CEP112: variants seen among roughly 807,000 people sequenced by gnomAD.
CEP112 encodes the protein centrosomal protein 112.
Under a neutral mutation model 153.0 loss-of-function variants are expected in CEP112, and 127 were observed. That is an observed-to-expected ratio of 0.83 (90% CI 0.72 to 0.96). The LOEUF (loss-of-function observed/expected upper bound fraction) is 0.96, where lower values mean the gene tolerates loss of function less well. Ranked by LOEUF, CEP112 falls within the 40% of genes least tolerant of loss-of-function variation. The pLI is 0.00. For missense variants in CEP112, 1,089 were observed against 1,101.2 expected (o/e 0.99, Z 0.16); for synonymous variants, 358 against 374.4 (o/e 0.96, Z 0.51).
chr17:65,927,175 T>TG (rs2060957226), intron 19 of CEP112, among the ~76,000 whole-genome samples: 1 of 152,166 alleles, frequency 6.6e-6, no homozygotes, highest in Admixed American at 6.5e-5. Context: ...CTGGTTCACT[T>TG]GCTGGTTCCT....
intron 6 of CEP112, among the ~76,000 whole-genome samples, chr17:66,099,546 C>A (rs1198645759): frequency 6.7e-6 from 1 of 150,096 alleles, no homozygotes; most frequent in Non-Finnish European, 1.5e-5. Flanking sequence ...ACAAGCCAGG[C>A]TGACAACCAC....
At chr17:65,831,882 A>G (rs2057096721) in intron 21 of CEP112, among the ~76,000 whole-genome samples, 1 of 152,192 alleles carries the variant, frequency 6.6e-6, no homozygotes, top group South Asian at 2.1e-4. Context: ...AAACAACAGA[A>G]TATACATTCA....
intron 16 of CEP112, among the ~76,000 whole-genome samples, chr17:66,019,461 G>A (rs763420303): frequency 2.2e-4 from 34 of 152,156 alleles, no homozygotes; most frequent in Admixed American, 2.2e-3. Flanking sequence ...CAAGGCTTGA[G>A]ATCACAGCAG....
chr17:65,784,762 G>C (rs1263971446), intron 21 of CEP112, among the ~76,000 whole-genome samples: 1 of 152,136 alleles, frequency 6.6e-6, no homozygotes, highest in Non-Finnish European at 1.5e-5. Context: ...TGCAGAGTGA[G>C]CCACCATACC....
Position 66,092,489 on chromosome 17 carries a change from C to CA in CEP112, c.768+3761dup, listed in dbSNP as rs918443783. On this transcript the variant is annotated intron_variant, in intron 8 of 26. Transcript: ENST00000535342. ...AATACCAATCCTCCTCAAACTCTTC[C>CA]AAAAAAAACAGAATACTTCCAAACT... Among the ~76,000 whole-genome samples, 30 of 151,086 alleles carry CA rather than the reference C, an allele frequency of 2.0e-4. No homozygotes were observed. In the East Asian group the frequency reaches 3.5e-3, roughly 18 times the overall value.
At chr17:65,693,477 G>A (rs1383797977) in intron 23 of CEP112, among the ~76,000 whole-genome samples, 1 of 151,576 alleles carries the variant, frequency 6.6e-6, no homozygotes. Flanking sequence ...AGAGGATGCT[G>A]CAAAAGTGAA....
chr17:65,663,107 G>C (rs2046479661), intron 24 of CEP112, among the ~76,000 whole-genome samples: 1 of 152,122 alleles, frequency 6.6e-6, no homozygotes, highest in African/African-American at 2.4e-5. Flanking sequence ...TTTTCATCCA[G>C]CTTTGAGAAA....
At chr17:65,750,762 C>G (rs147371942) in intron 21 of CEP112, 38 bp from the exon 22 acceptor site, 1 of 1,593,452 alleles carries the variant, frequency 6.3e-7, no homozygotes, top group Non-Finnish European at 8.6e-7. Context: ...ACACAGTGAC[C>G]TGTGAGCTTG....
At chr17:65,794,733 A>G (rs375196271) in intron 21 of CEP112, among the ~76,000 whole-genome samples, 13 of 152,284 alleles carry the variant, frequency 8.5e-5, no homozygotes, top group African/African-American at 2.4e-4. Context: ...ACCCTCCTCA[A>G]GTCTCCCTTT....
intron 23 of CEP112, among the ~76,000 whole-genome samples, chr17:65,703,811 G>T (rs1280491064): frequency 2.5e-5 from 2 of 80,790 alleles, no homozygotes; most frequent in African/African-American, 2.7e-4. Flanking sequence ...AAATTAAAAT[G>T]TACAAAAAAA....
chr17:65,877,690 T>TA (rs1305452038), intron 20 of CEP112, among the ~76,000 whole-genome samples: 2 of 152,080 alleles, frequency 1.3e-5, no homozygotes, highest in African/African-American at 4.8e-5. Context: ...GAACACTATG[T>TA]AAAAAAACAC....
intron 20 of CEP112, among the ~76,000 whole-genome samples, chr17:65,861,936 A>T (rs2058323553): frequency 6.6e-6 from 1 of 152,226 alleles, no homozygotes; most frequent in Non-Finnish European, 1.5e-5. Flanking sequence ...CAGTATTTGT[A>T]CCATAACTCA....
chr17:66,025,890 A>T (rs983429951), intron 16 of CEP112, among the ~76,000 whole-genome samples: 1 of 139,028 alleles, frequency 7.2e-6, no homozygotes, highest in African/African-American at 2.7e-5. Flanking sequence ...AGTGCCCATA[A>T]ATGGATGACT....
intron 18 of CEP112, among the ~76,000 whole-genome samples, chr17:65,952,554 T>C (rs1158264676): frequency 1.3e-5 from 2 of 152,166 alleles, no homozygotes; most frequent in African/African-American, 4.8e-5. Context: ...TGAGCTTTTA[T>C]GAACAAATCT....
chr17:66,065,775 G>A (rs2067094638), intron 10 of CEP112, among the ~76,000 whole-genome samples: 1 of 151,686 alleles, frequency 6.6e-6, no homozygotes. Flanking sequence ...GACTACAGGC[G>A]CCCGCCACCA....
intron 18 of CEP112, among the ~76,000 whole-genome samples, chr17:65,931,542 C>A (rs1037826295): frequency 3.3e-5 from 5 of 152,300 alleles, no homozygotes; most frequent in African/African-American, 1.2e-4. Flanking sequence ...ATTAGCAGGG[C>A]TAGAACATCT....
At chr17:66,061,766 C>T (rs1433015789) in intron 11 of CEP112, among the ~76,000 whole-genome samples, 2 of 151,940 alleles carry the variant, frequency 1.3e-5, no homozygotes, top group East Asian at 3.9e-4. Context: ...GAACAGATAG[C>T]GATTACAAGA....
chr17:65,830,479 T>C (rs936331593), intron 21 of CEP112, among the ~76,000 whole-genome samples: 113 of 152,308 alleles, frequency 7.4e-4, no homozygotes, highest in African/African-American at 2.6e-3. Context: ...CCACAGGAAC[T>C]AATGGGAATG....
intron 21 of CEP112, among the ~76,000 whole-genome samples, chr17:65,800,804 T>C (rs1394409466): frequency 1.3e-5 from 2 of 152,148 alleles, no homozygotes; most frequent in Non-Finnish European, 2.9e-5. Flanking sequence ...ACAGCCATCC[T>C]AGGGGGTGTG....
Sources: gnomAD v4.1 joint callset for allele counts (sites outside exome capture counted in the v4.1 genomes callset) on GRCh38, gnomAD v4.1.1 for gene constraint, MANE v1.5 for transcripts, NCBI Gene and HGNC (gene_info 2026-07-23, HGNC 2026-07-21) for gene names.